PSTPIP2: variants seen among roughly 807,000 people sequenced by gnomAD.
PSTPIP2 encodes the protein proline-serine-threonine phosphatase-interacting protein 2.
PSTPIP2 carries 33 observed loss-of-function variants against 63.3 expected under a neutral mutation model. The ratio of observed to expected loss-of-function variants is 0.52; its 90% CI spans 0.40 to 0.70. PSTPIP2 has a LOEUF of 0.70. PSTPIP2 is among the 30% of genes least tolerant of loss of function. The pLI, the probability that PSTPIP2 is intolerant of heterozygous loss-of-function variation, is 0.00. For synonymous variants in PSTPIP2, 125 were observed against 132.7 expected (o/e 0.94, Z 0.40); for missense variants, 312 against 400.7 (o/e 0.78, Z 1.89).
At chr18:46,028,430 G>A (rs2144100168) in intron 2 of PSTPIP2, 1 of 552,964 alleles carries the variant, frequency 1.8e-6, no homozygotes, top group African/African-American at 1.9e-5. Context: ...CTCCGGCAGC[G>A]GAACCGCCCG....
rs763317330 is a variant in PSTPIP2, at chr18:46,039,943, G to A, written c.134+4C>T. The A allele has an allele frequency of 3.7e-5, 60 of 1,603,948 alleles. No homozygotes were observed. The highest frequency in any genetic ancestry group is 4.8e-5 in the Non-Finnish European group (56 of 1,170,966). On this transcript the variant is annotated splice_donor_region_variant and intron_variant, in intron 2 of 14. Coordinates refer to ENST00000409746, the MANE Select transcript of PSTPIP2 (RefSeq NM_024430.4). Reference sequence around the variant, plus strand: ...TCTTCAGAGAGGACAGAGCATCATCGTACCTTTCTTTTAGAAAGTCTTCAA... The same window carrying A: ...TCTTCAGAGAGGACAGAGCATCATCATACCTTTCTTTTAGAAAGTCTTCAA...
At chr18:46,044,114 T>C (rs1908291919) in intron 1 of PSTPIP2, among the ~76,000 whole-genome samples, 1 of 152,198 alleles carries the variant, frequency 6.6e-6, no homozygotes, top group African/African-American at 2.4e-5. Context: ...TGAAAGTCTT[T>C]TCTGTAGAAA....
At chr18:46,016,806 G>T (rs1424448335) in intron 3 of PSTPIP2, among the ~76,000 whole-genome samples, 1 of 152,054 alleles carries the variant, frequency 6.6e-6, no homozygotes. Context: ...GCTTACTCAA[G>T]GTTAGTATTA....
chr18:45,988,622 A>C, intron 14 of PSTPIP2, 80 bp downstream of exon 14: 1 of 1,259,282 alleles, frequency 7.9e-7, no homozygotes, highest in Non-Finnish European at 1.2e-6. Context: ...TGGTAGTGTT[A>C]TAAATAAGGT....
chr18:45,997,575 T>C lies in PSTPIP2; in HGVS notation c.642+174A>G, dbSNP rs561783561. ...TTCTACAAAAGTAGACTCTCCAGGT[T>C]CTGGGCAGAAGACCCACCTCCCGCC... On this transcript the variant is annotated intron_variant, in intron 9 of 14. Transcript: ENST00000409746. 1.1e-3 allele frequency among the ~76,000 whole-genome samples: 168 copies of C among 150,196 alleles called. 1 individual carries two copies. Among genetic ancestry groups the C allele is most frequent in the African/African-American group, 4.1e-3 (166 of 40,744 alleles).
intron 2 of PSTPIP2, among the ~76,000 whole-genome samples, chr18:46,031,851 T>C (rs1399049412): frequency 6.6e-5 from 10 of 152,266 alleles, no homozygotes; most frequent in African/African-American, 2.4e-4. Context: ...GATGTTCTCC[T>C]AGAACCCGGG....
rs2051536138 is a variant in PSTPIP2, at chr18:45,991,791, T to C, written c.920+111A>G. 3.8e-6 allele frequency: 4 copies of C among 1,050,018 alleles called. No homozygotes were observed. In the East Asian group the frequency reaches 7.3e-5, roughly 19 times the overall value. 65.0% of individuals were successfully genotyped at this position (1,050,018 alleles called of 1,614,324 possible). A position where few individuals can be genotyped will look rare whatever the true frequency, so the allele number is the denominator to read the frequency against. On this transcript the variant is annotated intron_variant, in intron 12 of 14. Coordinates refer to ENST00000409746, the MANE Select transcript of PSTPIP2 (RefSeq NM_024430.4). The stretch of plus-strand genomic sequence containing the variant: ...ATTTCCAAAAAGCAAGCAGCCTTAT[T>C]AAGCAGATGCAGTAGTAGATATGTT...
intron 2 of PSTPIP2, among the ~76,000 whole-genome samples, chr18:46,034,724 T>C (rs1907904184): frequency 6.6e-6 from 1 of 152,204 alleles, no homozygotes; most frequent in South Asian, 2.1e-4. Flanking sequence ...CTACCGCTTA[T>C]TAGCTGTCTG....
chr18:46,010,016 G>C (rs1253402383), intron 5 of PSTPIP2, among the ~76,000 whole-genome samples: 2 of 152,166 alleles, frequency 1.3e-5, no homozygotes, highest in Admixed American at 1.3e-4. Context: ...TTCCTTCCTG[G>C]TAAAAGGAAC....
intron 2 of PSTPIP2, among the ~76,000 whole-genome samples, chr18:46,037,469 T>C (rs908431136): frequency 6.6e-6 from 1 of 152,098 alleles, no homozygotes; most frequent in Non-Finnish European, 1.5e-5. Flanking sequence ...TTATGACAGC[T>C]CGGTCAAATA....
chr18:46,037,581 AAG>A (rs1908027077), intron 2 of PSTPIP2, among the ~76,000 whole-genome samples: 2 of 152,236 alleles, frequency 1.3e-5, no homozygotes, highest in South Asian at 4.1e-4. Context: ...CCACCCGAAC[AAG>A]AGGAAAGCTG....
intron 1 of PSTPIP2, 136 bp downstream of exon 1, chr18:46,072,020 G>T: frequency 2.6e-6 from 3 of 1,173,078 alleles, no homozygotes; most frequent in East Asian, 3.2e-5. Context: ...CCCTTCACGC[G>T]CGAGCTCCGC....
intron 9 of PSTPIP2, 84 bp from the exon 10 acceptor site, chr18:45,993,787 C>G (rs2051563539): frequency 8.7e-7 from 1 of 1,144,504 alleles, no homozygotes; most frequent in Admixed American, 1.9e-5. Flanking sequence ...GAAACAGTGT[C>G]AACCTTCAGT....
At chr18:45,987,533 G>C (rs2051480356) in intron 14 of PSTPIP2, among the ~76,000 whole-genome samples, 1 of 103,798 alleles carries the variant, frequency 9.6e-6, no homozygotes, top group African/African-American at 4.4e-5. Flanking sequence ...GAATATGTAA[G>C]TGGATCAACC....
chr18:46,029,749 A>G (rs1262154305), intron 2 of PSTPIP2: 1 of 600,706 alleles, frequency 1.7e-6, no homozygotes, highest in East Asian at 2.9e-5. Context: ...AGTCATTAAA[A>G]AGAAAACTAT....
chr18:46,044,751 C>A lies in PSTPIP2; in HGVS notation c.34-4704G>T, dbSNP rs1157861306. Among the ~76,000 whole-genome samples the A allele has an allele frequency of 1.6e-4, 25 of 152,222 alleles. No individual in the cohort carries two copies. In the East Asian group the frequency reaches 4.8e-3, roughly 29 times the overall value. ...ACAAAATGGGAGAAAATTTTCGCAA[C>A]CTACCCATCTGACAAAGGGCTAATA... On this transcript the variant is annotated intron_variant, in intron 1 of 14. Transcript: ENST00000409746.
intron 2 of PSTPIP2, among the ~76,000 whole-genome samples, chr18:46,024,923 C>T (rs772039621): frequency 5.9e-5 from 9 of 152,146 alleles, no homozygotes; most frequent in African/African-American, 9.7e-5. Flanking sequence ...GGACATTATG[C>T]GAACATTACA....
chr18:46,066,695 T>C (rs1267972693), intron 1 of PSTPIP2, among the ~76,000 whole-genome samples: 1 of 152,182 alleles, frequency 6.6e-6, no homozygotes, highest in Non-Finnish European at 1.5e-5. Flanking sequence ...ATTCTCCTCA[T>C]GCAAGACCAC....
intron 3 of PSTPIP2, among the ~76,000 whole-genome samples, chr18:46,022,266 G>T (rs1907392034): frequency 8.8e-6 from 1 of 113,224 alleles, no homozygotes; most frequent in Admixed American, 9.7e-5. Flanking sequence ...TGTAGTCTAG[G>T]ATGAGTGTGT....
Sources: allele counts gnomAD v4.1 joint callset (sites outside exome capture counted in the v4.1 genomes callset), GRCh38; gene constraint gnomAD v4.1.1; transcripts MANE v1.5; gene names NCBI Gene and HGNC (gene_info 2026-07-23, HGNC 2026-07-21).